DLGAP1: variants seen among roughly 807,000 people sequenced by gnomAD.
The protein encoded by DLGAP1 is disks large-associated protein 1.
A neutral mutation model predicts 90.8 loss-of-function variants in DLGAP1; 11 were observed. The observed-to-expected ratio is 0.12, with a 90% CI of 0.08 to 0.20. DLGAP1 has a LOEUF of 0.20. DLGAP1 is among the 10% of genes least tolerant of loss of function. DLGAP1 has a pLI of 1.00. For synonymous variants in DLGAP1, 558 were observed against 540.7 expected (o/e 1.03, Z -0.44); for missense variants, 1,050 against 1,333.8 (o/e 0.79, Z 3.31).
intron 9 of DLGAP1, among the ~76,000 whole-genome samples, chr18:3,551,968 T>C (rs113613131): frequency 0.023 from 3,489 of 151,060 alleles, 61 homozygotes; most frequent in Non-Finnish European, 0.038. Flanking sequence ...TTGTTTTTTT[T>C]TTTCTTTCTT....
chr18:4,111,448 G>A (rs1425052250), intron 2 of DLGAP1, among the ~76,000 whole-genome samples: 1 of 152,070 alleles, frequency 6.6e-6, no homozygotes, highest in African/African-American at 2.4e-5. Flanking sequence ...AAGTTAGGAA[G>A]TGTTTTCTCT....
intron 1 of DLGAP1, among the ~76,000 whole-genome samples, chr18:4,374,520 C>A (rs1414739926): frequency 6.6e-6 from 1 of 151,880 alleles, no homozygotes; most frequent in Non-Finnish European, 1.5e-5. Context: ...TATGGCTATA[C>A]AAGAGAAGAC....
intron 7 of DLGAP1, among the ~76,000 whole-genome samples, chr18:3,672,777 C>T (rs1791386): frequency 0.29 from 44,175 of 151,488 alleles, 7,159 homozygotes; most frequent in East Asian, 0.61. Flanking sequence ...AGCACATGTC[C>T]GGCATCAAGG....
At chr18:4,217,231 A>G (rs974739295) in intron 1 of DLGAP1, among the ~76,000 whole-genome samples, 1 of 152,114 alleles carries the variant, frequency 6.6e-6, no homozygotes, top group African/African-American at 2.4e-5. Flanking sequence ...TCTTTTTAGC[A>G]TTGAATAATA....
chr18:3,749,835 C>T (rs2063428044), intron 5 of DLGAP1, among the ~76,000 whole-genome samples: 1 of 152,054 alleles, frequency 6.6e-6, no homozygotes, highest in African/African-American at 2.4e-5. Context: ...TGAAATCTAC[C>T]CAGTCAACCA....
intron 3 of DLGAP1, among the ~76,000 whole-genome samples, chr18:3,988,704 G>A (rs1431665687): frequency 6.6e-6 from 1 of 152,142 alleles, no homozygotes; most frequent in Non-Finnish European, 1.5e-5. Context: ...GTTCCTAACA[G>A]GCCACGGACC....
At chr18:4,380,880 C>T (rs1415626920) in intron 1 of DLGAP1, among the ~76,000 whole-genome samples, 1 of 152,158 alleles carries the variant, frequency 6.6e-6, no homozygotes, top group Non-Finnish European at 1.5e-5. Flanking sequence ...GATGCAGCTG[C>T]CAATATGGTT....
Position 3,729,101 on chromosome 18 carries a change from A to C in DLGAP1, c.1591+34T>G, listed in dbSNP as rs2062310044. The C allele has an allele frequency of 6.3e-7, 1 of 1,576,190 alleles. No individual in the cohort carries two copies. The highest frequency in any genetic ancestry group is 1.3e-5 in the African/African-American group (1 of 74,472). On this transcript the variant is annotated intron_variant, in intron 7 of 12. Coordinates refer to ENST00000315677, the MANE Select transcript of DLGAP1 (RefSeq NM_004746.4). The surrounding 1 kb of genome is among the most constrained non-coding windows in gnomAD (Gnocchi z 6.2). ...GGGACAGTCGTGCCATAGCCAGCAC[A>C]GGGGCCAGGCTGGCTGAGGGCCCGC...
At chr18:3,936,036 G>C (rs1599183521) in intron 3 of DLGAP1, among the ~76,000 whole-genome samples, 2 of 152,174 alleles carry the variant, frequency 1.3e-5, no homozygotes, top group Admixed American at 1.3e-4. Flanking sequence ...CTCTCTTGAG[G>C]GGCATTCCAG....
chr18:4,304,467 C>T (rs1398572495), intron 1 of DLGAP1, among the ~76,000 whole-genome samples: 1 of 152,170 alleles, frequency 6.6e-6, no homozygotes, highest in Non-Finnish European at 1.5e-5. Context: ...TTCAATTCCA[C>T]TTGAAAAACA....
rs569535269 is a variant in DLGAP1 at position 3,975,716 on chromosome 18, TATAGA to T, written c.-73+29395_-73+29399del. ...GAATGGATACAAAATGTGATGTACA[TATAGA>T]ATAGAATATTATTTAGCCTTAAAAA... On this transcript the variant is annotated intron_variant, in intron 3 of 12. Transcript: ENST00000315677. Among the ~76,000 whole-genome samples the T allele has an allele frequency of 2.6e-3, 397 of 152,292 alleles. 3 individuals carry two copies. Among genetic ancestry groups the T allele is most frequent in the African/African-American group, 9.1e-3 (379 of 41,560 alleles).
intron 7 of DLGAP1, chr18:3,603,490 G>T (rs2057175748): frequency 6.6e-6 from 1 of 152,148 alleles, no homozygotes; most frequent in South Asian, 2.1e-4. Context: ...TAACAGGATT[G>T]CCGACAGATC....
chr18:3,731,842 CT>C (rs1226093607), intron 6 of DLGAP1, among the ~76,000 whole-genome samples: 1 of 152,122 alleles, frequency 6.6e-6, no homozygotes, highest in Non-Finnish European at 1.5e-5. Context: ...CCTGGAACCA[CT>C]ACCCAGATCA....
chr18:4,260,104 A>C (rs2078974022), intron 1 of DLGAP1, among the ~76,000 whole-genome samples: 1 of 152,240 alleles, frequency 6.6e-6, no homozygotes, highest in African/African-American at 2.4e-5. Flanking sequence ...AATATTTAAT[A>C]ATGTCTCCAC....
intron 7 of DLGAP1, among the ~76,000 whole-genome samples, chr18:3,717,317 C>G (rs1359555917): frequency 6.6e-6 from 1 of 151,972 alleles, no homozygotes; most frequent in African/African-American, 2.4e-5. Context: ...GTTGTATTAG[C>G]CCCACTTAGT....
At chr18:3,762,267 T>C (rs759487104) in intron 5 of DLGAP1, among the ~76,000 whole-genome samples, 1 of 152,196 alleles carries the variant, frequency 6.6e-6, no homozygotes, top group Non-Finnish European at 1.5e-5. Context: ...TGAAAGACTG[T>C]TGACAACAGT....
intron 1 of DLGAP1, among the ~76,000 whole-genome samples, chr18:4,213,324 G>A (rs956316345): frequency 2.0e-5 from 3 of 152,164 alleles, no homozygotes; most frequent in African/African-American, 7.2e-5. Flanking sequence ...CCAGTTGGAG[G>A]AGCATGGCAG....
Position 3,765,123 on chromosome 18 carries a change from TTTTTTTC to T in DLGAP1, c.1173-22618_1173-22612del, listed in dbSNP as rs1174696264. On this transcript the variant is annotated intron_variant, in intron 5 of 12. Coordinates refer to ENST00000315677, the MANE Select transcript of DLGAP1 (RefSeq NM_004746.4). ...CTCCATGCACACTTGCAAACTTTTT[TTTTTTTC>T]TTTTTTTTTTTTTTTGAGACAGAGT... Among the ~76,000 whole-genome samples the T allele has an allele frequency of 1.6e-4, 21 of 133,652 alleles. 1 individual carries two copies. The East Asian group carries it at 3.5e-3, about 22-fold the overall frequency. The allele number at this position is 133,652 out of a possible 152,430, so 87.7% of individuals were successfully genotyped here. A position where few individuals can be genotyped will look rare whatever the true frequency, so the allele number is the denominator to read the frequency against.
intron 1 of DLGAP1, among the ~76,000 whole-genome samples, chr18:4,213,779 G>T (rs530886002): frequency 1.5e-4 from 23 of 152,118 alleles, no homozygotes; most frequent in Non-Finnish European, 1.9e-4. Flanking sequence ...AACAAGTCTT[G>T]GGCTTCCAAG....
Sources: gnomAD v4.1 joint callset for allele counts (sites outside exome capture counted in the v4.1 genomes callset) on GRCh38, gnomAD v4.1.1 for gene constraint, Gnocchi (gnomAD v3.1) non-coding constraint, MANE v1.5 for transcripts, NCBI Gene and HGNC (gene_info 2026-07-23, HGNC 2026-07-21) for gene names.